WWOX: variants seen among roughly 807,000 people sequenced by gnomAD.
WWOX encodes the protein WW domain containing oxidoreductase.
Under a neutral mutation model 46.2 loss-of-function variants are expected in WWOX, and 69 were observed. The observed-to-expected ratio is 1.49, with a 90% confidence interval of 1.23 to 1.82. The LOEUF (loss-of-function observed/expected upper bound fraction) is 1.82, where lower values mean the gene tolerates loss of function less well. Ranked by LOEUF, WWOX falls within the 40% of genes most tolerant of loss-of-function variation. The pLI, the probability that WWOX is intolerant of heterozygous loss-of-function variation, is 0.00. For synonymous variants in WWOX, 359 were observed against 202.6 expected (o/e 1.77, Z -6.56); for missense variants, 919 against 542.6 (o/e 1.69, Z -6.89).
At chr16:78,992,484 C>T (rs553194775) in intron 8 of WWOX, among the ~76,000 whole-genome samples, 1 of 152,058 alleles carries the variant, frequency 6.6e-6, no homozygotes. Context: ...CAAAACAAAA[C>T]AAAAACAATT....
intron 2 of WWOX, among the ~76,000 whole-genome samples, chr16:78,109,135 G>A (rs771675188): frequency 7.9e-5 from 12 of 152,218 alleles, no homozygotes; most frequent in Middle Eastern, 3.4e-3. Flanking sequence ...TGGAAATTTC[G>A]TAAAGATTAC....
At chr16:78,970,730 C>T (rs539302604) in intron 8 of WWOX, among the ~76,000 whole-genome samples, 1 of 152,084 alleles carries the variant, frequency 6.6e-6, no homozygotes, top group Non-Finnish European at 1.5e-5. Flanking sequence ...TTTCACAGAA[C>T]AGTGTGTACC....
In WWOX at chr16:78,735,388, C is replaced by G. The variant is rs576494261; in HGVS notation, c.1056+302636C>G. Among the ~76,000 whole-genome samples, 11 of 141,180 alleles carry G rather than the reference C, an allele frequency of 7.8e-5. No individual in the cohort carries two copies. The South Asian group carries it at 1.5e-3, about 19-fold the overall frequency. 92.6% of individuals were successfully genotyped at this position (141,180 alleles called of 152,430 possible). ...CCAATAAGAGATGTCATACACACCACACACAAACACACACACACACACACA... is the reference window on the plus strand; with the variant it reads ...CCAATAAGAGATGTCATACACACCAGACACAAACACACACACACACACACA... On this transcript the variant is annotated intron_variant, in intron 8 of 8. Coordinates refer to ENST00000566780, the MANE Select transcript of WWOX (RefSeq NM_016373.4).
chr16:78,900,767 G>A (rs1041862141), intron 8 of WWOX, among the ~76,000 whole-genome samples: 15 of 151,558 alleles, frequency 9.9e-5, no homozygotes, highest in African/African-American at 3.6e-4. Flanking sequence ...TATTCATAGT[G>A]GTCATGCTAA....
At chr16:79,069,454 C>T (rs756102435) in intron 8 of WWOX, among the ~76,000 whole-genome samples, 8 of 151,972 alleles carry the variant, frequency 5.3e-5, no homozygotes, top group South Asian at 2.1e-4. Context: ...CTTGTTCACA[C>T]GTTACTGTAG....
chr16:78,590,849 AGTT>A (rs1257865857), intron 8 of WWOX, among the ~76,000 whole-genome samples: 1 of 152,048 alleles, frequency 6.6e-6, no homozygotes, highest in Admixed American at 6.6e-5. Flanking sequence ...GTTGCAGAGG[AGTT>A]GTTAAGAGCT....
At chr16:78,773,889 T>A (rs1007711317) in intron 8 of WWOX, among the ~76,000 whole-genome samples, 62 of 152,174 alleles carry the variant, frequency 4.1e-4, no homozygotes, top group African/African-American at 1.5e-3. Context: ...CGCATACTTG[T>A]ATGGGAGATC....
intron 8 of WWOX, among the ~76,000 whole-genome samples, chr16:78,742,202 A>C (rs1362537364): frequency 1.3e-5 from 2 of 152,204 alleles, no homozygotes; most frequent in Non-Finnish European, 2.9e-5. Flanking sequence ...TCAGTGTACA[A>C]ATACTAGGGG....
chr16:78,187,012 G>T (rs1321553607), intron 5 of WWOX, among the ~76,000 whole-genome samples: 1 of 152,154 alleles, frequency 6.6e-6, no homozygotes, highest in Non-Finnish European at 1.5e-5. Flanking sequence ...CTCTCTCTGT[G>T]TGTGTGTAGT....
intron 6 of WWOX, among the ~76,000 whole-genome samples, chr16:78,406,631 T>G (rs2082554019): frequency 6.7e-6 from 1 of 149,324 alleles, no homozygotes; most frequent in African/African-American, 2.5e-5. Flanking sequence ...TATACATTTT[T>G]TTTTTTTTTT....
chr16:78,951,775 T>G (rs2046065315), intron 8 of WWOX, among the ~76,000 whole-genome samples: 1 of 151,950 alleles, frequency 6.6e-6, no homozygotes, highest in African/African-American at 2.4e-5. Flanking sequence ...CTTACAGTTG[T>G]GAAGGGGGCC....
At chr16:78,519,014 G>C (rs961091459) in intron 8 of WWOX, among the ~76,000 whole-genome samples, 1 of 152,188 alleles carries the variant, frequency 6.6e-6, no homozygotes, top group Non-Finnish European at 1.5e-5. Flanking sequence ...CTGGCAAGTG[G>C]ATAGGTCTAG....
chr16:78,481,764 T>TGTGTGTGTGTGTGTGTGTGC (rs149940474), intron 8 of WWOX, among the ~76,000 whole-genome samples: 4 of 147,926 alleles, frequency 2.7e-5, no homozygotes, highest in Non-Finnish European at 6.0e-5. Context: ...TGTGTGTGTG[T>TGTGTGTGTGTGTGTGTGTGC]GCGCGCGCCT....
intron 8 of WWOX, among the ~76,000 whole-genome samples, chr16:78,816,019 G>C (rs1795407620): frequency 6.6e-6 from 1 of 152,152 alleles, no homozygotes; most frequent in Non-Finnish European, 1.5e-5. Context: ...GAACTGTAAG[G>C]CCAAGTGGTC....
chr16:79,058,115 A>G (rs1274718901), intron 8 of WWOX, among the ~76,000 whole-genome samples: 1 of 64,174 alleles, frequency 1.6e-5, no homozygotes, highest in East Asian at 2.8e-4. Context: ...TTAAAAAAAA[A>G]AAAAACAAAC....
chr16:78,444,905 T>G (rs2083523175), intron 8 of WWOX, among the ~76,000 whole-genome samples: 1 of 152,194 alleles, frequency 6.6e-6, no homozygotes, highest in African/African-American at 2.4e-5. Context: ...TTACTGTTTT[T>G]CCCTTTGTTG....
intron 8 of WWOX, among the ~76,000 whole-genome samples, chr16:79,162,681 C>G (rs2050510620): frequency 6.6e-6 from 1 of 152,144 alleles, no homozygotes; most frequent in African/African-American, 2.4e-5. Context: ...CAGATCATGC[C>G]AAGGTCCTGT....
chr16:78,486,200 A>G (rs2084631787), intron 8 of WWOX, among the ~76,000 whole-genome samples: 1 of 152,128 alleles, frequency 6.6e-6, no homozygotes, highest in African/African-American at 2.4e-5. Context: ...TGTGGTGTAA[A>G]TACTCACACC....
At chr16:78,590,107 G>C (rs2045315305) in intron 8 of WWOX, among the ~76,000 whole-genome samples, 1 of 151,356 alleles carries the variant, frequency 6.6e-6, no homozygotes, top group East Asian at 1.9e-4. Flanking sequence ...TATAGGATAG[G>C]AAAATAGCTT....
Sources: allele counts gnomAD v4.1 joint callset (sites outside exome capture counted in the v4.1 genomes callset), GRCh38; gene constraint gnomAD v4.1.1; transcripts MANE v1.5; gene names NCBI Gene and HGNC (gene_info 2026-07-23, HGNC 2026-07-21).